Variants in PSD3 observed in about 807,000 individuals in gnomAD.
The protein encoded by PSD3 is PH and SEC7 domain-containing protein 3.
A neutral mutation model predicts 105.5 loss-of-function variants in PSD3; 49 were observed. The observed-to-expected ratio is 0.46, with a 90% confidence interval of 0.37 to 0.59. The LOEUF is 0.59. Among genes scored for constraint, PSD3 ranks in the 20% least tolerant of loss-of-function variants. The probability of loss-of-function intolerance (pLI) is 0.00; values close to 1 mark genes in which losing one functional copy is unlikely to be tolerated. For synonymous variants in PSD3, 557 were observed against 457.8 expected (o/e 1.22, Z -2.77); for missense variants, 1,561 against 1,263.8 (o/e 1.24, Z -3.57).
chr8:18,799,806 C>T (rs570489806), intron 7 of PSD3, among the ~76,000 whole-genome samples: 1 of 152,170 alleles, frequency 6.6e-6, no homozygotes, highest in Non-Finnish European at 1.5e-5. Flanking sequence ...TTAAGATTCT[C>T]CTTTCCAAAC....
At chr8:18,594,697 G>A (rs1803959737) in intron 12 of PSD3, among the ~76,000 whole-genome samples, 1 of 151,472 alleles carries the variant, frequency 6.6e-6, no homozygotes, top group Non-Finnish European at 1.5e-5. Context: ...ATCCATGGAT[G>A]CTCAAGTCAC....
intron 9 of PSD3, among the ~76,000 whole-genome samples, chr8:18,722,054 T>A (rs79869904): frequency 1.3e-5 from 2 of 152,012 alleles, no homozygotes; most frequent in East Asian, 3.9e-4. Context: ...AGACTATGAT[T>A]GTTGAGCCTT....
At chr8:19,065,218 T>C (rs1235248818) in intron 1 of PSD3, among the ~76,000 whole-genome samples, 2 of 152,164 alleles carry the variant, frequency 1.3e-5, no homozygotes, top group African/African-American at 2.4e-5. Context: ...AAACACAAAT[T>C]AGGTTTTTTT....
chr8:18,619,536 G>C (rs1805952889), intron 11 of PSD3, among the ~76,000 whole-genome samples: 1 of 151,996 alleles, frequency 6.6e-6, no homozygotes, highest in Non-Finnish European at 1.5e-5. Flanking sequence ...CCAGCTACTT[G>C]GGAGGCTGAG....
upstream of PSD3, chr8:19,014,200 C>T (rs1827099087): frequency 6.6e-6 from 1 of 152,316 alleles, no homozygotes; most frequent in Admixed American, 6.5e-5. The surrounding 1 kb of genome is among the most constrained non-coding windows in gnomAD (Gnocchi z 4.9). Context: ...GCTGGAGGTA[C>T]GCGGGCTTCG....
intron 11 of PSD3, among the ~76,000 whole-genome samples, chr8:18,608,766 A>C (rs981364207): frequency 1.3e-5 from 2 of 152,196 alleles, no homozygotes; most frequent in Admixed American, 6.5e-5. Flanking sequence ...TTTATGCCAG[A>C]AAAGTTTTTT....
intron 1 of PSD3, among the ~76,000 whole-genome samples, chr8:19,006,363 A>G (rs1826684476): frequency 6.6e-6 from 1 of 151,496 alleles, no homozygotes; most frequent in Admixed American, 6.6e-5. Context: ...CACACATACT[A>G]TGTTTCACAT....
At chr8:18,556,167 A>C (rs1378979331) in intron 15 of PSD3, 42 bp downstream of exon 15, 1 of 1,605,888 alleles carries the variant, frequency 6.2e-7, no homozygotes, top group African/African-American at 1.3e-5. Flanking sequence ...ATCATAAGAA[A>C]ACTCAGAAAT....
rs1484918087 is a variant in PSD3, at chr8:19,038,918, A to T, written c.324+45288T>A. ...TCCTATTTAGTATATGAGGCAATAAAGCATAGATAGATTTAAAATCTTGCC... is the reference window on the plus strand; with the variant it reads ...TCCTATTTAGTATATGAGGCAATAATGCATAGATAGATTTAAAATCTTGCC... On this transcript the variant is annotated intron_variant, in intron 1 of 1. Transcript: ENST00000521475. Among the ~76,000 whole-genome samples the T allele has an allele frequency of 4.6e-5, 7 of 152,232 alleles. No homozygotes were observed. The East Asian group carries it at 1.2e-3, about 25-fold the overall frequency.
chr8:18,993,804 G>A (rs1450870494), intron 1 of PSD3, among the ~76,000 whole-genome samples: 2 of 151,936 alleles, frequency 1.3e-5, no homozygotes, highest in Non-Finnish European at 2.9e-5. Context: ...GGCAAACAGG[G>A]TATGATTTAT....
At chr8:18,724,390 T>A (rs1013186233) in intron 9 of PSD3, among the ~76,000 whole-genome samples, 1 of 152,044 alleles carries the variant, frequency 6.6e-6, no homozygotes, top group African/African-American at 2.4e-5. Context: ...GGCAGGAGCA[T>A]CTCTTGTGGC....
At chr8:18,711,360 C>T (rs1167139122) in intron 9 of PSD3, among the ~76,000 whole-genome samples, 1 of 152,124 alleles carries the variant, frequency 6.6e-6, no homozygotes, top group Non-Finnish European at 1.5e-5. Flanking sequence ...GAGAAAGAGT[C>T]AAAACCCATT....
intron 1 of PSD3, among the ~76,000 whole-genome samples, chr8:19,033,721 C>T (rs1044135375): frequency 1.3e-5 from 2 of 151,958 alleles, no homozygotes; most frequent in Admixed American, 1.3e-4. Flanking sequence ...GTGATAGCAG[C>T]ACTCCCAGGA....
At chr8:18,897,328 G>A (rs184984408) in intron 2 of PSD3, among the ~76,000 whole-genome samples, 4 of 152,242 alleles carry the variant, frequency 2.6e-5, no homozygotes, top group Non-Finnish European at 4.4e-5. Flanking sequence ...CTATAAAGAT[G>A]AGATTTATTT....
chr8:19,000,562 T>C (rs1826321033), intron 1 of PSD3: 1 of 151,778 alleles, frequency 6.6e-6, no homozygotes, highest in African/African-American at 2.4e-5. Flanking sequence ...AAATCCATAG[T>C]AACACATTAC....
chr8:18,789,881 C>A (rs114239963), intron 8 of PSD3, among the ~76,000 whole-genome samples: 2,318 of 152,262 alleles, frequency 0.015, 60 homozygotes, highest in African/African-American at 0.051. Flanking sequence ...TCCTTGATCA[C>A]GTTCTATAAC....
At chr8:18,873,512 T>C (rs1817530682) in intron 2 of PSD3, among the ~76,000 whole-genome samples, 1 of 152,210 alleles carries the variant, frequency 6.6e-6, no homozygotes, top group Admixed American at 6.5e-5. Context: ...CGTACCTTTG[T>C]AGACTAGCTA....
chr8:19,035,307 T>C (rs1827904019), intron 1 of PSD3, among the ~76,000 whole-genome samples: 1 of 152,210 alleles, frequency 6.6e-6, no homozygotes, highest in Non-Finnish European at 1.5e-5. Flanking sequence ...TATCTCTATT[T>C]ACTGCCATGG....
rs140215045 is a variant in PSD3 at position 19,072,293 on chromosome 8, GTCAGGCTGGTCT to G, written c.324+11901_324+11912del. Among the ~76,000 whole-genome samples, 1,224 of 151,566 alleles carry G rather than the reference GTCAGGCTGGTCT, an allele frequency of 8.1e-3. 12 individuals carry two copies. The highest frequency in any genetic ancestry group is 0.028 in the African/African-American group (1,169 of 41,308). On this transcript the variant is annotated intron_variant, in intron 1 of 1. Coordinates refer to the PSD3 transcript ENST00000521475. Reference sequence around the variant, plus strand: ...ACTTTCTAGTGATTTCACCATGTTTGTCAGGCTGGTCTCGAACTCCTGAGCTCACGTGATCCG... The same window carrying G: ...ACTTTCTAGTGATTTCACCATGTTTGCGAACTCCTGAGCTCACGTGATCCG...
Sources: allele counts gnomAD v4.1 joint callset (sites outside exome capture counted in the v4.1 genomes callset), GRCh38; gene constraint gnomAD v4.1.1; non-coding constraint Gnocchi (gnomAD v3.1); transcripts MANE v1.5; gene names NCBI Gene and HGNC (gene_info 2026-07-23, HGNC 2026-07-21).